The following TRIM2 variants were observed in gnomAD, a reference collection of about 807,000 sequenced individuals.
TRIM2 encodes tripartite motif-containing protein 2.
A neutral mutation model predicts 75.2 loss-of-function variants in TRIM2; 20 were observed. The ratio of observed to expected loss-of-function variants is 0.27; its 90% CI spans 0.19 to 0.39. The LOEUF (loss-of-function observed/expected upper bound fraction) is 0.39. Among genes scored for constraint, TRIM2 ranks in the 10% least tolerant of loss-of-function variants. The pLI is 1.00. For synonymous variants in TRIM2, 373 were observed against 388.3 expected, an observed-to-expected ratio of 0.96 and a Z score of 0.46; for missense variants, 660 against 990.8, an observed-to-expected ratio of 0.67 and a Z score of 4.48.
chr4:153,291,080 T>A (rs1182556975), intron 3 of TRIM2, among the ~76,000 whole-genome samples: 2 of 152,084 alleles, frequency 1.3e-5, no homozygotes, highest in Non-Finnish European at 2.9e-5. Flanking sequence ...AAAAAAAGTG[T>A]CTTTCTAAAC....
chr4:153,335,441 C>A lies in TRIM2; in HGVS notation c.*475C>A. On this transcript the variant is annotated 3_prime_UTR_variant, in exon 12 of 12. Transcript: ENST00000338700. The stretch of plus-strand genomic sequence containing the variant: ...CCTCACTTTTACAGTAGGTATTACT[C>A]TTGTGACATTTTTTTGGTTATCAAC... The A allele has an allele frequency of 1.0e-6, 1 of 985,502 alleles. No homozygotes were observed. The highest frequency in any genetic ancestry group is 5.2e-4 in the Middle Eastern group (1 of 1,916). 61.0% of individuals were successfully genotyped at this position (985,502 alleles called of 1,614,324 possible). A position where few individuals can be genotyped will look rare whatever the true frequency, so the allele number is the denominator to read the frequency against.
intron 1 of TRIM2, among the ~76,000 whole-genome samples, chr4:153,244,996 C>A (rs1446430337): frequency 6.6e-6 from 1 of 152,172 alleles, no homozygotes; most frequent in East Asian, 1.9e-4. Flanking sequence ...ATCACAGGTT[C>A]TTTTTTCTAC....
Position 153,206,416 on chromosome 4 carries a change from A to G in TRIM2, c.30+1856A>G, listed in dbSNP as rs1296514346. 3.3e-5 allele frequency among the ~76,000 whole-genome samples: 5 copies of G among 152,184 alleles called. No individual in the cohort carries two copies. The East Asian group carries it at 9.6e-4, about 29-fold the overall frequency. The stretch of plus-strand genomic sequence containing the variant: ...GCTCACGGAACTCAGGGAGACACTT[A>G]ATTCCATTTACCAGTTTATTATAAA... On this transcript the variant is annotated intron_variant, in intron 1 of 11. Coordinates refer to ENST00000338700, the MANE Select transcript of TRIM2 (RefSeq NM_015271.5).
chr4:153,198,378 C>T (rs1256266182), intron 1 of TRIM2, among the ~76,000 whole-genome samples: 2 of 152,184 alleles, frequency 1.3e-5, no homozygotes, highest in Admixed American at 1.3e-4. Flanking sequence ...CTCATGAGAT[C>T]TCATGGGTTT....
chr4:153,170,156 G>T (rs1355534369), intron 1 of TRIM2, among the ~76,000 whole-genome samples: 1 of 152,198 alleles, frequency 6.6e-6, no homozygotes, highest in African/African-American at 2.4e-5. Context: ...AGGGGGAAAA[G>T]GGAGGTGGAG....
At chr4:153,291,549 G>A (rs547756571) in intron 3 of TRIM2, among the ~76,000 whole-genome samples, 7 of 152,246 alleles carry the variant, frequency 4.6e-5, no homozygotes, top group Non-Finnish European at 1.0e-4. Context: ...GCCCTTTTCT[G>A]TATTGTGTTA....
At position 153,294,362 on chromosome 4, in the gene TRIM2, C is replaced by CA. The variant is rs1189478890; in HGVS notation, c.665dup (p.Asn222LysfsTer9). On this transcript the variant is annotated frameshift_variant, in exon 5 of 12. Transcript: ENST00000338700. LOFTEE classifies it high-confidence loss of function. ...TCTCTGAAATCATTCATCAGTTAAC[C>CA]AACCAAAAGGCCAGCATCGTGGATG... 1 of 1,614,078 alleles carries CA rather than the reference C, an allele frequency of 6.2e-7. No homozygotes were observed. Among genetic ancestry groups the CA allele is most frequent in the Non-Finnish European group, 8.5e-7 (1 of 1,180,008 alleles).
At chr4:153,322,615 C>T (rs1344528592) in intron 8 of TRIM2, 33 bp from the exon 9 acceptor site, 2 of 1,607,600 alleles carry the variant, frequency 1.2e-6, no homozygotes, top group Non-Finnish European at 8.5e-7. Context: ...TGACTCTATA[C>T]TGTACTTCTA....
At chr4:153,261,325 A>T (rs1397116598) in intron 1 of TRIM2, among the ~76,000 whole-genome samples, 1 of 152,176 alleles carries the variant, frequency 6.6e-6, no homozygotes, top group Admixed American at 6.5e-5. Flanking sequence ...CTGGAGGCTG[A>T]GGCAGGAGCA....
At chr4:153,333,189 C>T (rs368581846) in intron 11 of TRIM2, among the ~76,000 whole-genome samples, 1 of 152,088 alleles carries the variant, frequency 6.6e-6, no homozygotes, top group East Asian at 1.9e-4. Context: ...ATCTCAAGGG[C>T]ATGATGCTGA....
At chr4:153,318,975 G>C (rs1283841621) in intron 8 of TRIM2, among the ~76,000 whole-genome samples, 1 of 152,176 alleles carries the variant, frequency 6.6e-6, no homozygotes, top group Non-Finnish European at 1.5e-5. Flanking sequence ...AAAACCCAAA[G>C]GGTAAAAGGA....
At chr4:153,250,390 G>A (rs1468230979) in intron 1 of TRIM2, among the ~76,000 whole-genome samples, 3 of 152,182 alleles carry the variant, frequency 2.0e-5, no homozygotes, top group Admixed American at 1.3e-4. Flanking sequence ...AAAGTGCTGG[G>A]ATTACAGGCG....
At chr4:153,175,091 C>T (rs939768357) in intron 1 of TRIM2, among the ~76,000 whole-genome samples, 4 of 152,008 alleles carry the variant, frequency 2.6e-5, no homozygotes, top group Admixed American at 6.6e-5. Context: ...CTCGCTGCAA[C>T]CTCCGCCTTC....
At chr4:153,316,895 T>TTTTTTTTTTTTTTTTTG (rs1561004144) in intron 8 of TRIM2, among the ~76,000 whole-genome samples, 1 of 141,212 alleles carries the variant, frequency 7.1e-6, no homozygotes, top group African/African-American at 2.7e-5. Flanking sequence ...TTTTTTTTTT[T>TTTTTTTTTTTTTTTTTG]TTTGAGACGG....
chr4:153,154,353 C>T (rs1337336970), intron 1 of TRIM2, among the ~76,000 whole-genome samples: 3 of 152,226 alleles, frequency 2.0e-5, no homozygotes, highest in African/African-American at 7.2e-5. Context: ...AAGACCTCAC[C>T]TTCCCCAGAG....
chr4:153,194,372 T>A (rs1733549185), intron 1 of TRIM2, among the ~76,000 whole-genome samples: 5 of 152,242 alleles, frequency 3.3e-5, no homozygotes, highest in Admixed American at 1.3e-4. Flanking sequence ...TTTCTTTCAT[T>A]CCACTTAATC....
intron 1 of TRIM2, among the ~76,000 whole-genome samples, chr4:153,256,774 C>G (rs1284805065): frequency 6.6e-6 from 1 of 152,132 alleles, no homozygotes; most frequent in Non-Finnish European, 1.5e-5. Flanking sequence ...TATGATTTTT[C>G]TCTGAATCAT....
At chr4:153,245,363 G>C (rs188512901) in intron 1 of TRIM2, among the ~76,000 whole-genome samples, 1 of 152,234 alleles carries the variant, frequency 6.6e-6, no homozygotes, top group African/African-American at 2.4e-5. Context: ...CAGACAGTGA[G>C]TTAGGGTATT....
intron 1 of TRIM2, among the ~76,000 whole-genome samples, chr4:153,260,724 A>ACACACACAT (rs528342465): frequency 3.6e-5 from 4 of 112,572 alleles, no homozygotes; most frequent in African/African-American, 1.2e-4. Flanking sequence ...ACACACACAC[A>ACACACACAT]CATCATCATC....
Sources: allele counts gnomAD v4.1 joint callset (sites outside exome capture counted in the v4.1 genomes callset), GRCh38; gene constraint gnomAD v4.1.1; transcripts MANE v1.5; gene names NCBI Gene and HGNC (gene_info 2026-07-23, HGNC 2026-07-21).